WDR62: variants seen among roughly 807,000 people sequenced by gnomAD.
WDR62 encodes WD repeat domain 62, also known as WD repeat-containing protein 62.
Under a neutral mutation model 160.6 loss-of-function variants are expected in WDR62, and 112 were observed. That is an observed-to-expected ratio of 0.70 (90% CI 0.60 to 0.82). The LOEUF is 0.82. WDR62 is among the 40% of genes least tolerant of loss of function. The probability of loss-of-function intolerance (pLI) is 0.00; values close to 1 mark genes in which losing one functional copy is unlikely to be tolerated. For missense variants in WDR62, 1,819 were observed against 1,983.8 expected, an observed-to-expected ratio of 0.92 and a Z score of 1.58; for synonymous variants, 792 against 815.1, an observed-to-expected ratio of 0.97 and a Z score of 0.48.
chr19:36,103,289 G>T, intron 29 of WDR62, 54 bp from the exon 30 acceptor site: 2 of 1,612,252 alleles, frequency 1.2e-6, no homozygotes, highest in South Asian at 2.2e-5. Flanking sequence ...GGGCGTGGGG[G>T]CCCTAGCCAT....
intron 8 of WDR62, among the ~76,000 whole-genome samples, chr19:36,072,408 TA>T (rs1051512835): frequency 1.4e-4 from 22 of 152,148 alleles, no homozygotes; most frequent in African/African-American, 5.3e-4. Flanking sequence ...GGGGCGCCTG[TA>T]GTCTATCCTC....
chr19:36,086,119 G>T (rs954234629), intron 12 of WDR62, among the ~76,000 whole-genome samples: 1 of 152,054 alleles, frequency 6.6e-6, no homozygotes, highest in African/African-American at 2.4e-5. Flanking sequence ...CCCCCATGCT[G>T]TGTGCCCCAC....
chr19:36,099,196 T>TGGGAGACA (rs1354035903), intron 21 of WDR62, among the ~76,000 whole-genome samples: 1 of 123,234 alleles, frequency 8.1e-6, no homozygotes, highest in Non-Finnish European at 1.6e-5. Context: ...CACTCCAGCC[T>TGGGAGACA]GGGAGACAGA....
At chr19:36,078,629 G>A (rs1257285771) in intron 9 of WDR62, among the ~76,000 whole-genome samples, 3 of 151,766 alleles carry the variant, frequency 2.0e-5, no homozygotes, top group Non-Finnish European at 2.9e-5. Flanking sequence ...GAGGTCAGGA[G>A]TTTGAGACCA....
Position 36,092,672 on chromosome 19 carries a change from C to G in WDR62, c.2211-17C>G. ...TACTCTTCCTCTGCCTTGTGTGTCTCTCTTTGACCTCCGCAGCTGCGTGTT... is the reference window on the plus strand; with the variant it reads ...TACTCTTCCTCTGCCTTGTGTGTCTGTCTTTGACCTCCGCAGCTGCGTGTT... On this transcript the variant is annotated splice_polypyrimidine_tract_variant and intron_variant, in intron 18 of 31. Coordinates refer to ENST00000401500, the MANE Select transcript of WDR62 (RefSeq NM_001083961.2). 6.2e-7 allele frequency: 1 copy of G among 1,613,986 alleles called. No homozygotes were observed. The highest frequency in any genetic ancestry group is 8.5e-7 in the Non-Finnish European group (1 of 1,179,904).
chr19:36,101,711 C>T lies in WDR62; in HGVS notation c.3019C>T (p.His1007Tyr), dbSNP rs1173122509. 9.7e-6 allele frequency: 15 copies of T among 1,551,304 alleles called. No homozygotes were observed. The Admixed American group carries it at 2.0e-4, about 20-fold the overall frequency. The change falls in exon 25 of 32, where the codon CAC becomes TAC. Residue 1007 changes from histidine (H) to tyrosine (Y), a missense_variant. Around this residue, in one of 3 missense-constraint regions of WDR62, gnomAD observed 770 missense variants for 734.2 expected, o/e 1.05. Transcript: ENST00000401500. ...ADLECSFAAI[H>Y]SPAPPPDPAP... ...CCTGGAGTGCAGCTTCGCAGCCATC[C>T]ACTCCCCAGCTCCGCCTCCTGACCC...
At chr19:36,066,956 C>T (rs13344825) in intron 5 of WDR62, among the ~76,000 whole-genome samples, 22,535 of 152,194 alleles carry the variant, frequency 0.15, 1,892 homozygotes, top group East Asian at 0.29. Context: ...GGGCTCAGGG[C>T]AGGGCCCAGA....
At position 36,103,975 on chromosome 19, in the gene WDR62, A is replaced by C. The variant is rs1187385913; in HGVS notation, c.4147A>C (p.Thr1383Pro). ...PGGTASLLEP[T>P]SGALGLLQGS... ...CGGCACTGCCTCCCTCCTGGAGCCCACCTCCGGTGAGTACAGCCCTGGAGC... is the reference window on the plus strand; with the variant it reads ...CGGCACTGCCTCCCTCCTGGAGCCCCCCTCCGGTGAGTACAGCCCTGGAGC... The change falls in exon 30 of 32, where the codon ACC (threonine) becomes CCC (proline). Residue 1383 changes from threonine to proline, a missense_variant. Transcript: ENST00000401500. 1.3e-6 allele frequency: 2 copies of C among 1,597,578 alleles called. No individual in the cohort carries two copies. The highest frequency in any genetic ancestry group is 1.7e-6 in the Non-Finnish European group (2 of 1,179,786).
intron 8 of WDR62, among the ~76,000 whole-genome samples, chr19:36,072,831 A>C (rs1470072621): frequency 2.6e-5 from 4 of 152,220 alleles, no homozygotes; most frequent in Admixed American, 2.6e-4. Flanking sequence ...TGTAAAATAC[A>C]GTACCTAGCT....
intron 10 of WDR62, chr19:36,081,980 G>C (rs1295418977): frequency 2.6e-6 from 1 of 382,210 alleles, no homozygotes; most frequent in Non-Finnish European, 5.1e-6. Flanking sequence ...CGAGAGCCAT[G>C]ATGGGAGGCT....
intron 7 of WDR62, chr19:36,071,218 T>A (rs1599769485): frequency 1.5e-4 from 37 of 248,274 alleles, no homozygotes; most frequent in Middle Eastern, 1.5e-3. Context: ...AAAAAAAAAA[T>A]TTAAGCCTAA....
At position 36,079,729 on chromosome 19, in the gene WDR62, A is replaced by C. The variant is rs12151323; in HGVS notation, c.1234-1704A>C. On this transcript the variant is annotated intron_variant, in intron 9 of 31. Transcript: ENST00000401500. Reference sequence around the variant, plus strand: ...ATTATCCTGTTGCTGGGTCTGTCAGATGCCTTATTACTTCTCTGTCTCCCA... The same window carrying C: ...ATTATCCTGTTGCTGGGTCTGTCAGCTGCCTTATTACTTCTCTGTCTCCCA... 3.9e-5 allele frequency among the ~76,000 whole-genome samples: 6 copies of C among 152,222 alleles called. No individual in the cohort carries two copies. The South Asian group carries it at 1.2e-3, about 32-fold the overall frequency.
chr19:36,061,128 C>T (rs533227467), intron 3 of WDR62: 22 of 152,358 alleles, frequency 1.4e-4, no homozygotes, highest in African/African-American at 5.1e-4. Context: ...CTTATGGTCC[C>T]TAAGGTACGG....
At chr19:36,107,103 T>TA (rs1973730895), downstream of WDR62, among the ~76,000 whole-genome samples, 1 of 152,040 alleles carries the variant, frequency 6.6e-6, no homozygotes, top group South Asian at 2.1e-4. Context: ...CTCCAAGGAG[T>TA]AAACACCTGG....
chr19:36,110,489 TA>T, the WDR62 span, among the ~76,000 whole-genome samples: 1 of 151,622 alleles, frequency 6.6e-6, no homozygotes, highest in Non-Finnish European at 1.5e-5. Context: ...GAAAAAAAAA[TA>T]GGAGACCCCC....
chr19:36,058,960 A>T lies in WDR62; in HGVS notation c.269+89A>T, dbSNP rs201694503. 2.9e-3 allele frequency: 3,206 copies of T among 1,093,458 alleles called. 12 individuals carry two copies. The highest frequency in any genetic ancestry group is 3.9e-3 in the Non-Finnish European group (2,851 of 726,710). The allele number at this position is 1,093,458 out of a possible 1,614,324, so 67.7% of individuals were successfully genotyped here. A position where few individuals can be genotyped will look rare whatever the true frequency, so the allele number is the denominator to read the frequency against. On this transcript the variant is annotated intron_variant, in intron 2 of 31. Transcript: ENST00000401500. ...CCATCCGTAAATCGCTCTGAGCCTC[A>T]TATTTTTCACCTGTAGAATGTGGAG... is the stretch of plus-strand genomic sequence containing the variant.
At chr19:36,083,024 G>A (rs961022575) in intron 10 of WDR62, 39 bp from the exon 11 acceptor site, 1 of 1,591,106 alleles carries the variant, frequency 6.3e-7, no homozygotes, top group Non-Finnish European at 8.6e-7. Flanking sequence ...AGGTGCTTCT[G>A]AGCTGCTCGT....
intron 9 of WDR62, among the ~76,000 whole-genome samples, chr19:36,079,970 T>G (rs1481589260): frequency 6.6e-6 from 1 of 152,230 alleles, no homozygotes; most frequent in African/African-American, 2.4e-5. Context: ...GTTCTCAATC[T>G]TCCGTATTTT....
intron 1 of WDR62, among the ~76,000 whole-genome samples, chr19:36,056,038 G>T (rs1030426739): frequency 6.6e-6 from 1 of 152,110 alleles, no homozygotes; most frequent in South Asian, 2.1e-4. Context: ...GCTAGCGCGC[G>T]CCTGTAATCC....
Sources: allele counts gnomAD v4.1 joint callset (sites outside exome capture counted in the v4.1 genomes callset), GRCh38; gene constraint gnomAD v4.1.1; regional missense constraint gnomAD v4.1.1; transcripts MANE v1.5; gene names NCBI Gene and HGNC (gene_info 2026-07-23, HGNC 2026-07-21).